IMMP2L: variants seen among roughly 807,000 people sequenced by gnomAD.
IMMP2L encodes inner mitochondrial membrane peptidase subunit 2.
In IMMP2L, 18 loss-of-function variants were observed where a neutral mutation model predicts 19.3. The ratio of observed to expected loss-of-function variants is 0.93; its 90% CI spans 0.64 to 1.38. The LOEUF (loss-of-function observed/expected upper bound fraction) is 1.38, where lower values mean the gene tolerates loss of function less well. IMMP2L is among the 40% of genes most tolerant of loss of function. The probability of loss-of-function intolerance (pLI) is 0.00; values close to 1 mark genes in which losing one functional copy is unlikely to be tolerated. For missense variants in IMMP2L, 233 were observed against 218.2 expected (o/e 1.07, Z -0.43); for synonymous variants, 76 against 73.0 (o/e 1.04, Z -0.21).
chr7:111,260,646 G>T (rs1817217281), intron 3 of IMMP2L, among the ~76,000 whole-genome samples: 4 of 152,164 alleles, frequency 2.6e-5, no homozygotes, highest in African/African-American at 9.6e-5. Context: ...ATTCTATTTT[G>T]CAAAACAATT....
chr7:110,696,232 C>T (rs1228526682), intron 5 of IMMP2L, among the ~76,000 whole-genome samples: 1 of 152,056 alleles, frequency 6.6e-6, no homozygotes. Flanking sequence ...CAAATCTGGA[C>T]TGTATTTATC....
chr7:111,130,026 G>T (rs1180887230), intron 3 of IMMP2L, among the ~76,000 whole-genome samples: 2 of 152,120 alleles, frequency 1.3e-5, no homozygotes, highest in Admixed American at 1.3e-4. Context: ...TCTCAAGTGA[G>T]AAGACATCAT....
At chr7:110,914,374 G>A (rs1367827177) in intron 4 of IMMP2L, among the ~76,000 whole-genome samples, 1 of 152,160 alleles carries the variant, frequency 6.6e-6, no homozygotes, top group Non-Finnish European at 1.5e-5. Context: ...AATTGCATGT[G>A]ACATCTATGA....
chr7:111,229,995 T>A lies in IMMP2L; in HGVS notation c.239+257243A>T, dbSNP rs187539994. ...CTGGACAGTGTGGTATGGGCTAGCA[T>A]ATGGTTTATTTTCAGCTTTATGGAA... On this transcript the variant is annotated intron_variant, in intron 3 of 5. Coordinates refer to ENST00000405709, the MANE Select transcript of IMMP2L (RefSeq NM_032549.4). 2.6e-5 allele frequency among the ~76,000 whole-genome samples: 4 copies of A among 152,194 alleles called. No homozygotes were observed. The East Asian group carries it at 7.7e-4, about 29-fold the overall frequency.
chr7:110,934,289 G>A (rs1815835964), intron 4 of IMMP2L, among the ~76,000 whole-genome samples: 1 of 152,188 alleles, frequency 6.6e-6, no homozygotes, highest in East Asian at 1.9e-4. Flanking sequence ...TAAGTGTGAT[G>A]TGGTGCTGAG....
At chr7:110,912,101 T>C (rs1047531331) in intron 4 of IMMP2L, among the ~76,000 whole-genome samples, 3 of 151,712 alleles carry the variant, frequency 2.0e-5, no homozygotes, top group Non-Finnish European at 4.4e-5. Context: ...GAGAAACAAA[T>C]AAACAAACAA....
At chr7:110,673,485 C>G (rs553558041) in intron 5 of IMMP2L, among the ~76,000 whole-genome samples, 70 of 152,362 alleles carry the variant, frequency 4.6e-4, no homozygotes, top group Non-Finnish European at 8.5e-4. Flanking sequence ...ATTTCTGCAG[C>G]TGGGTTGAAT....
At chr7:111,135,004 T>C (rs1479107238) in intron 3 of IMMP2L, among the ~76,000 whole-genome samples, 1 of 152,238 alleles carries the variant, frequency 6.6e-6, no homozygotes, top group Non-Finnish European at 1.5e-5. Context: ...TTTCATTTTA[T>C]TGATAAGGAA....
Position 110,837,213 on chromosome 7 carries a change from C to A in IMMP2L, c.408+49380G>T, listed in dbSNP as rs78858826. Among the ~76,000 whole-genome samples, 1,508 of 151,982 alleles carry A rather than the reference C, an allele frequency of 9.9e-3. 10 individuals are homozygous for A. The highest frequency in any genetic ancestry group is 0.017 in the Non-Finnish European group (1,135 of 68,000). ...ACATCTACAGGTATTGACATCAAGG[C>A]AATGTCTATAATACACTGTATAAAA... On this transcript the variant is annotated intron_variant, in intron 5 of 5. Transcript: ENST00000405709.
chr7:111,335,091 T>C (rs914645772), intron 3 of IMMP2L, among the ~76,000 whole-genome samples: 17 of 152,050 alleles, frequency 1.1e-4, no homozygotes, highest in African/African-American at 4.1e-4. Context: ...GATGCTCTTC[T>C]GGAATCTAAA....
At chr7:111,275,641 C>T (rs1179845335) in intron 3 of IMMP2L, among the ~76,000 whole-genome samples, 1 of 152,066 alleles carries the variant, frequency 6.6e-6, no homozygotes, top group Non-Finnish European at 1.5e-5. Context: ...TGCACTGAAT[C>T]GGTAGATTTA....
chr7:111,546,482 A>G (rs376424990), intron 1 of IMMP2L, among the ~76,000 whole-genome samples: 1 of 152,058 alleles, frequency 6.6e-6, no homozygotes, highest in African/African-American at 2.4e-5. Flanking sequence ...TCTTCTTCCC[A>G]TTGAGTTGTT....
At chr7:110,967,032 G>A (rs1368259431) in intron 3 of IMMP2L, among the ~76,000 whole-genome samples, 1 of 151,986 alleles carries the variant, frequency 6.6e-6, no homozygotes, top group African/African-American at 2.4e-5. Context: ...TACAATATTT[G>A]TTTCTGGGAT....
intron 4 of IMMP2L, among the ~76,000 whole-genome samples, chr7:110,935,025 T>G (rs1815930822): frequency 6.6e-6 from 1 of 152,208 alleles, no homozygotes; most frequent in Non-Finnish European, 1.5e-5. Flanking sequence ...ATGTGTGAAT[T>G]TGATCCTGTC....
At chr7:111,221,465 C>G (rs1765518164) in intron 3 of IMMP2L, among the ~76,000 whole-genome samples, 1 of 151,726 alleles carries the variant, frequency 6.6e-6, no homozygotes, top group African/African-American at 2.4e-5. Flanking sequence ...TACAGACTTC[C>G]TATAGACAAG....
At chr7:110,974,037 G>A (rs947431825) in intron 3 of IMMP2L, among the ~76,000 whole-genome samples, 4 of 152,150 alleles carry the variant, frequency 2.6e-5, no homozygotes, top group African/African-American at 9.6e-5. Flanking sequence ...CCCAGACACA[G>A]GTATAAGAAC....
intron 3 of IMMP2L, among the ~76,000 whole-genome samples, chr7:111,011,189 G>C (rs6975872): frequency 0.033 from 5,035 of 152,166 alleles, 273 homozygotes; most frequent in African/African-American, 0.11. Context: ...GTTGCCAGTG[G>C]AAAGAGAGAA....
At chr7:111,005,846 G>A (rs575452772) in intron 3 of IMMP2L, among the ~76,000 whole-genome samples, 1 of 152,270 alleles carries the variant, frequency 6.6e-6, no homozygotes, top group Non-Finnish European at 1.5e-5. Context: ...GCTGAAGATT[G>A]CTCTTCATAA....
chr7:111,211,967 A>C (rs534950590), intron 3 of IMMP2L, among the ~76,000 whole-genome samples: 1 of 152,292 alleles, frequency 6.6e-6, no homozygotes. Flanking sequence ...ACTGCACTCC[A>C]GCCTGGGAGA....
Sources: gnomAD v4.1 joint callset for allele counts (sites outside exome capture counted in the v4.1 genomes callset) on GRCh38, gnomAD v4.1.1 for gene constraint, MANE v1.5 for transcripts, NCBI Gene and HGNC (gene_info 2026-07-23, HGNC 2026-07-21) for gene names.